SGCD: variants seen among roughly 807,000 people sequenced by gnomAD.
SGCD encodes the protein delta-sarcoglycan.
A neutral mutation model predicts 36.6 loss-of-function variants in SGCD; 18 were observed. The observed-to-expected ratio is 0.49, with a 90% CI of 0.34 to 0.73. The LOEUF (loss-of-function observed/expected upper bound fraction) is 0.73, where lower values mean the gene tolerates loss of function less well. SGCD is among the 30% of genes least tolerant of loss of function. SGCD has a pLI of 0.01. For missense variants in SGCD, 387 were observed against 346.7 expected, an observed-to-expected ratio of 1.12 and a Z score of -0.92; for synonymous variants, 133 against 130.6, an observed-to-expected ratio of 1.02 and a Z score of -0.12.
At chr5:156,669,009 A>T (rs1416487270) in intron 7 of SGCD, among the ~76,000 whole-genome samples, 2 of 151,972 alleles carry the variant, frequency 1.3e-5, no homozygotes, top group Non-Finnish European at 2.9e-5. Flanking sequence ...ATCTCCTTCA[A>T]CTCCTAGAGG....
chr5:156,036,546 CAG>C (rs1369596204), intron 1 of SGCD, among the ~76,000 whole-genome samples: 1 of 152,282 alleles, frequency 6.6e-6, no homozygotes, highest in East Asian at 1.9e-4. Flanking sequence ...AAAGACAACT[CAG>C]AGACATACGT....
At chr5:156,243,336 C>A (rs1765352656) in intron 3 of SGCD, among the ~76,000 whole-genome samples, 1 of 152,104 alleles carries the variant, frequency 6.6e-6, no homozygotes, top group Non-Finnish European at 1.5e-5. Flanking sequence ...CTGAGGAGGT[C>A]ATTTGCCTGG....
the SGCD span, among the ~76,000 whole-genome samples, chr5:155,785,683 A>T: frequency 1.1e-4 from 16 of 152,352 alleles, no homozygotes; most frequent in African/African-American, 3.8e-4. Flanking sequence ...AATATATTTT[A>T]TTACATATGC....
intron 4 of SGCD, among the ~76,000 whole-genome samples, chr5:156,521,016 CAAAAAAAAAAA>C (rs3075012): frequency 7.0e-5 from 4 of 56,740 alleles, no homozygotes; most frequent in Non-Finnish European, 3.4e-5. Flanking sequence ...GACTCCGTCT[CAAAAAAAAAAA>C]AAAAAAAAAA....
intron 7 of SGCD, among the ~76,000 whole-genome samples, chr5:156,720,718 A>G (rs1392313742): frequency 7.2e-5 from 11 of 152,206 alleles, no homozygotes; most frequent in African/African-American, 2.2e-4. Flanking sequence ...CAATCTCCCA[A>G]AGAAATCTTT....
intron 6 of SGCD, among the ~76,000 whole-genome samples, chr5:156,645,535 C>T (rs567353261): frequency 6.6e-6 from 1 of 152,204 alleles, no homozygotes; most frequent in South Asian, 2.1e-4. Flanking sequence ...TTGATATTTG[C>T]TCATAGCTCA....
chr5:156,748,400 G>C (rs1410662284), intron 7 of SGCD, among the ~76,000 whole-genome samples: 1 of 152,098 alleles, frequency 6.6e-6, no homozygotes, highest in African/African-American at 2.4e-5. Context: ...AAAAATTTCG[G>C]TTATATTAAA....
intron 3 of SGCD, among the ~76,000 whole-genome samples, chr5:156,189,118 A>T (rs1249593360): frequency 6.6e-6 from 1 of 152,196 alleles, no homozygotes; most frequent in Non-Finnish European, 1.5e-5. Flanking sequence ...TTCAGCCAGG[A>T]AGAAGAGGGT....
At chr5:156,556,640 CAAGAA>C (rs1484589671) in intron 4 of SGCD, among the ~76,000 whole-genome samples, 1 of 152,018 alleles carries the variant, frequency 6.6e-6, no homozygotes, top group Non-Finnish European at 1.5e-5. Context: ...GTGAAATAGA[CAAGAA>C]AAGAAAAGAA....
In SGCD at chr5:156,566,668, A is replaced by C. The variant is rs575779868; in HGVS notation, c.295-22563A>C. On this transcript the variant is annotated intron_variant, in intron 4 of 8. Coordinates refer to ENST00000337851, the MANE Select transcript of SGCD (RefSeq NM_000337.6). The stretch of plus-strand genomic sequence containing the variant: ...AAAAGAGAAATATAACACTATTCTA[A>C]GTGAAAAAATCAACATGACTTTCCA... Among the ~76,000 whole-genome samples, 6 of 152,308 alleles carry C rather than the reference A, an allele frequency of 3.9e-5. No homozygotes were observed. In the East Asian group the frequency reaches 1.2e-3, roughly 29 times the overall value.
chr5:155,799,400 T>A, the SGCD span, among the ~76,000 whole-genome samples: 15 of 151,884 alleles, frequency 9.9e-5, no homozygotes, highest in East Asian at 3.9e-4. Flanking sequence ...GACTTTATTT[T>A]TTTTTTTTTT....
chr5:156,510,433 C>T (rs1034286639), intron 4 of SGCD, among the ~76,000 whole-genome samples: 2 of 152,124 alleles, frequency 1.3e-5, no homozygotes, highest in Admixed American at 1.3e-4. Flanking sequence ...TTTTCCCAAC[C>T]TGGCAATTTG....
rs531888697 is a variant in SGCD, at chr5:155,933,446, A to T, written c.-282+63022A>T. ...TGGAGACAAATGTGGAGATAACTCCACAAGCATACATAGAGTATCTTGTCT... is the reference window on the plus strand; with the variant it reads ...TGGAGACAAATGTGGAGATAACTCCTCAAGCATACATAGAGTATCTTGTCT... On this transcript the variant is annotated intron_variant, in intron 1 of 9. Transcript: ENST00000517913. Among the ~76,000 whole-genome samples, 289 of 152,346 alleles carry T rather than the reference A, an allele frequency of 1.9e-3. 3 individuals are homozygous for T. Among genetic ancestry groups the T allele is most frequent in the African/African-American group, 6.6e-3 (276 of 41,586 alleles).
intron 3 of SGCD, among the ~76,000 whole-genome samples, chr5:156,354,153 T>C (rs1769389245): frequency 6.6e-6 from 1 of 152,214 alleles, no homozygotes; most frequent in Non-Finnish European, 1.5e-5. Flanking sequence ...AATTAAATGT[T>C]TTAAAGAAGT....
chr5:156,666,852 A>G (rs1220840379), intron 7 of SGCD, among the ~76,000 whole-genome samples: 1 of 152,130 alleles, frequency 6.6e-6, no homozygotes. Flanking sequence ...ACACAGACAC[A>G]GTAACAATTT....
intron 3 of SGCD, among the ~76,000 whole-genome samples, chr5:156,288,162 A>G (rs1766664197): frequency 6.6e-6 from 1 of 152,156 alleles, no homozygotes; most frequent in Admixed American, 6.5e-5. Context: ...AATAGTTTGG[A>G]AATAGTCAAT....
At chr5:155,784,371 G>C in the SGCD span, among the ~76,000 whole-genome samples, 13 of 152,294 alleles carry the variant, frequency 8.5e-5, no homozygotes, top group East Asian at 2.5e-3. Context: ...ATTTCAGGGC[G>C]AGCAGTAAGC....
intron 3 of SGCD, among the ~76,000 whole-genome samples, chr5:156,275,557 A>C (rs1055158449): frequency 2.3e-4 from 35 of 152,148 alleles, no homozygotes; most frequent in Non-Finnish European, 1.5e-5. Flanking sequence ...TGCATTAATG[A>C]GTGGCAGTCT....
chr5:155,731,035 G>A, the SGCD span, among the ~76,000 whole-genome samples: 1 of 152,130 alleles, frequency 6.6e-6, no homozygotes, highest in Non-Finnish European at 1.5e-5. Flanking sequence ...GAGGAGAATG[G>A]GCAGGGAGAT....
Sources: allele counts gnomAD v4.1 joint callset (sites outside exome capture counted in the v4.1 genomes callset), GRCh38; gene constraint gnomAD v4.1.1; transcripts MANE v1.5; gene names NCBI Gene and HGNC (gene_info 2026-07-23, HGNC 2026-07-21).